Variants in TCF7L2 observed in about 807,000 individuals in gnomAD.
The protein encoded by TCF7L2 is transcription factor 7-like 2.
A neutral mutation model predicts 77.9 loss-of-function variants in TCF7L2; 23 were observed. The ratio of observed to expected loss-of-function variants is 0.30; its 90% CI spans 0.21 to 0.42. The LOEUF (loss-of-function observed/expected upper bound fraction) is 0.42. TCF7L2 is among the 10% of genes least tolerant of loss of function. The probability of loss-of-function intolerance (pLI) is 1.00; values close to 1 mark genes in which losing one functional copy is unlikely to be tolerated. For synonymous variants in TCF7L2, 413 were observed against 340.2 expected, an observed-to-expected ratio of 1.21 and a Z score of -2.36; for missense variants, 654 against 793.1, an observed-to-expected ratio of 0.82 and a Z score of 2.11.
intron 4 of TCF7L2, among the ~76,000 whole-genome samples, chr10:112,973,578 G>GTTTA (rs57373996): frequency 0.13 from 19,613 of 151,860 alleles, 1,737 homozygotes; most frequent in African/African-American, 0.25. Context: ...CTTTTTTATT[G>GTTTA]TTTAATTTTA....
At chr10:113,077,702 CTTT>C (rs34093384) in intron 5 of TCF7L2, among the ~76,000 whole-genome samples, 5 of 134,102 alleles carry the variant, frequency 3.7e-5, no homozygotes, top group Non-Finnish European at 4.7e-5. Flanking sequence ...TTCTTTTCTT[CTTT>C]TTTTTTTTTT....
intron 5 of TCF7L2, among the ~76,000 whole-genome samples, chr10:113,120,098 ACCAGAGGCTCCG>A (rs1188172984): frequency 1.4e-4 from 21 of 152,184 alleles, no homozygotes; most frequent in Admixed American, 1.4e-3. Context: ...GACTGATGAG[ACCAGAGGCTCCG>A]CCAATAAAAG....
intron 5 of TCF7L2, among the ~76,000 whole-genome samples, chr10:113,098,705 C>T (rs1034830612): frequency 6.6e-6 from 1 of 151,442 alleles, no homozygotes; most frequent in Non-Finnish European, 1.5e-5. Context: ...GACTCTGTCT[C>T]AAAACAAAAC....
intron 6 of TCF7L2, 136 bp downstream of exon 6, chr10:113,141,452 C>A: frequency 7.9e-7 from 1 of 1,269,668 alleles, no homozygotes; most frequent in Non-Finnish European, 1.1e-6. Flanking sequence ...GCCCCTGTTG[C>A]TTTTCTGGGT....
At chr10:113,124,043 G>A (rs751153364) in intron 5 of TCF7L2, among the ~76,000 whole-genome samples, 1 of 152,132 alleles carries the variant, frequency 6.6e-6, no homozygotes, top group Admixed American at 6.5e-5. Flanking sequence ...TCCTTCTGAC[G>A]GGATAGGCAT....
At chr10:112,990,326 T>C (rs1418062965) in intron 4 of TCF7L2, among the ~76,000 whole-genome samples, 2 of 152,140 alleles carry the variant, frequency 1.3e-5, no homozygotes, top group Admixed American at 1.3e-4. Context: ...TAAAATATTT[T>C]TTCTCCCCCA....
At chr10:112,953,001 C>T (rs994427080) in intron 3 of TCF7L2, among the ~76,000 whole-genome samples, 1 of 152,112 alleles carries the variant, frequency 6.6e-6, no homozygotes, top group Middle Eastern at 3.2e-3. Flanking sequence ...TTTACACACA[C>T]GACTTTTGTT....
chr10:113,134,237 C>CCTCTCTG (rs200882317), intron 5 of TCF7L2, among the ~76,000 whole-genome samples: 2,310 of 152,282 alleles, frequency 0.015, 32 homozygotes, highest in South Asian at 0.049. Flanking sequence ...GGGCACGGGC[C>CCTCTCTG]AGGGTAAAAT....
At position 113,151,674 on chromosome 10, in the gene TCF7L2, G is replaced by A. The variant is rs2137146732; in HGVS notation, c.1002-51G>A. On this transcript the variant is annotated intron_variant, in intron 9 of 13. Transcript: ENST00000627217. The surrounding 1 kb of genome is among the most constrained non-coding windows in gnomAD (Gnocchi z 5.2). ...AGATACGTTCCCTGCCATGGAGGAAGTTGGACCACGACCTTGTTTATTGGG... is the reference window on the plus strand; with the variant it reads ...AGATACGTTCCCTGCCATGGAGGAAATTGGACCACGACCTTGTTTATTGGG... The A allele has an allele frequency of 6.5e-7, 1 of 1,535,796 alleles. No individual in the cohort carries two copies. Among genetic ancestry groups the A allele is most frequent in the Non-Finnish European group, 8.7e-7 (1 of 1,150,382 alleles).
chr10:112,961,667 A>T (rs984211221), intron 3 of TCF7L2, among the ~76,000 whole-genome samples: 2 of 152,206 alleles, frequency 1.3e-5, no homozygotes, highest in African/African-American at 4.8e-5. Flanking sequence ...TCCTTGTTGC[A>T]GTAGCTGGAG....
intron 5 of TCF7L2, among the ~76,000 whole-genome samples, chr10:113,069,195 C>G (rs2057641372): frequency 6.6e-6 from 1 of 151,402 alleles, no homozygotes; most frequent in Non-Finnish European, 1.5e-5. Flanking sequence ...AATGTTGTGT[C>G]CAGCTCAGAG....
At chr10:112,964,814 G>GTGGTGGTGGTGGT (rs1400096451) in intron 4 of TCF7L2, among the ~76,000 whole-genome samples, 190 bp downstream of exon 4, 2 of 116,110 alleles carry the variant, frequency 1.7e-5, no homozygotes, top group Non-Finnish European at 1.7e-5. Flanking sequence ...GGTGGTGGTG[G>GTGGTGGTGGTGGT]GGGGGGGTTG....
intron 4 of TCF7L2, among the ~76,000 whole-genome samples, chr10:112,969,231 G>A (rs139251210): frequency 6.6e-6 from 1 of 152,086 alleles, no homozygotes; most frequent in South Asian, 2.1e-4. Flanking sequence ...TCATGTAAAT[G>A]GAATCTTATA....
At chr10:112,986,017 C>T (rs939971838) in intron 4 of TCF7L2, among the ~76,000 whole-genome samples, 14 of 151,886 alleles carry the variant, frequency 9.2e-5, no homozygotes, top group African/African-American at 2.9e-4. Context: ...TCTTCAAAGA[C>T]GAGGGAGTAA....
intron 5 of TCF7L2, chr10:113,129,548 CT>C (rs1275981748): frequency 2.0e-6 from 2 of 1,011,414 alleles, no homozygotes; most frequent in African/African-American, 1.7e-5. Context: ...TATTAGTGGA[CT>C]TTTTTGTTTT....
At chr10:113,082,968 T>C (rs769720244) in intron 5 of TCF7L2, among the ~76,000 whole-genome samples, 7 of 151,908 alleles carry the variant, frequency 4.6e-5, no homozygotes, top group Non-Finnish European at 1.0e-4. Flanking sequence ...TAAGGAGGGG[T>C]GAGCAGTGCT....
intron 8 of TCF7L2, 36 bp from the exon 9 acceptor site, chr10:113,150,962 T>C (rs2070641347): frequency 6.2e-7 from 1 of 1,613,622 alleles, no homozygotes; most frequent in African/African-American, 1.3e-5. Context: ...TCATTCATTT[T>C]GATTCTGACG....
intron 4 of TCF7L2, among the ~76,000 whole-genome samples, chr10:113,001,321 AG>A (rs2044435286): frequency 6.6e-6 from 1 of 152,212 alleles, no homozygotes; most frequent in African/African-American, 2.4e-5. Context: ...AAATTCTTTT[AG>A]GGCACATCAG....
chr10:112,951,746 T>A, intron 3 of TCF7L2, 139 bp downstream of exon 3: 2 of 278,830 alleles, frequency 7.2e-6, no homozygotes, highest in Non-Finnish European at 1.0e-5. Flanking sequence ...CCTCCCCCGC[T>A]CGTGGCCCAG....
Sources: allele counts gnomAD v4.1 joint callset (sites outside exome capture counted in the v4.1 genomes callset), GRCh38; gene constraint gnomAD v4.1.1; non-coding constraint Gnocchi (gnomAD v3.1); transcripts MANE v1.5; gene names NCBI Gene and HGNC (gene_info 2026-07-23, HGNC 2026-07-21).